NEURL4: variants seen among roughly 807,000 people sequenced by gnomAD.
The protein encoded by NEURL4 is neuralized-like protein 4.
In NEURL4, 45 loss-of-function variants were observed where a neutral mutation model predicts 148.0. That is an observed-to-expected ratio of 0.30 (90% CI 0.24 to 0.39). NEURL4 has a LOEUF of 0.39. NEURL4 is among the 10% of genes least tolerant of loss of function. The pLI, the probability that NEURL4 is intolerant of heterozygous loss-of-function variation, is 1.00. For missense variants in NEURL4, 1,776 were observed against 2,144.0 expected, an observed-to-expected ratio of 0.83 and a Z score of 3.39; for synonymous variants, 854 against 869.0, an observed-to-expected ratio of 0.98 and a Z score of 0.30.
chr17:7,325,793 G>A, intron 6 of NEURL4, 80 bp from the exon 7 acceptor site: 1 of 1,199,872 alleles, frequency 8.3e-7, no homozygotes, highest in Non-Finnish European at 1.2e-6. Context: ...AACTCCAGAA[G>A]GTATTCGTGA....
chr17:7,318,818 C>G lies in NEURL4; in HGVS notation c.3685-144G>C, dbSNP rs983336489. The G allele has an allele frequency of 1.0e-6, 1 of 1,003,180 alleles. No individual in the cohort carries two copies. The highest frequency in any genetic ancestry group is 1.4e-6 in the Non-Finnish European group (1 of 694,484). 62.1% of individuals were successfully genotyped at this position (1,003,180 alleles called of 1,614,324 possible). ...GAGGTTCTCCTCCCACTGCAGTTAC[C>G]TAGAGCCCCTCCCCTTCCCCAAAAC... On this transcript the variant is annotated intron_variant, in intron 22 of 28. Coordinates refer to ENST00000399464, the MANE Select transcript of NEURL4 (RefSeq NM_032442.3). The surrounding 1 kb of genome is among the most constrained non-coding windows in gnomAD (Gnocchi z 4.3).
At position 7,324,282 on chromosome 17, in the gene NEURL4, G is replaced by A. The variant is rs372412907; in HGVS notation, c.1900-12C>T. Reference sequence around the variant, plus strand: ...ACCGTGTCCCCTGCCTTGGAAGAAGGGGGTGCTGGAGTGAGGAGTCAGGCA... The same window carrying A: ...ACCGTGTCCCCTGCCTTGGAAGAAGAGGGTGCTGGAGTGAGGAGTCAGGCA... On this transcript the variant is annotated splice_polypyrimidine_tract_variant and intron_variant, in intron 10 of 28. Coordinates refer to ENST00000399464, the MANE Select transcript of NEURL4 (RefSeq NM_032442.3). This position sits in a 1 kb window ranked among gnomAD's most constrained non-coding sequence, Gnocchi z 5.9. 3 of 1,613,848 alleles carry A rather than the reference G, an allele frequency of 1.9e-6. No individual in the cohort carries two copies. The highest frequency in any genetic ancestry group is 1.1e-5 in the South Asian group (1 of 91,080).
rs748682690 is a variant in NEURL4, at chr17:7,322,913, G to A, written c.2593+35C>T. 3 of 1,611,394 alleles carry A rather than the reference G, an allele frequency of 1.9e-6. No homozygotes were observed. Among genetic ancestry groups the A allele is most frequent in the Middle Eastern group, 1.7e-4 (1 of 6,050 alleles). Reference sequence around the variant, plus strand: ...AGAAGCCTGACAGCCAGGTGGTCTGGGCTGAGGGTGGCAGGCTGAAAGCCA... The same window carrying A: ...AGAAGCCTGACAGCCAGGTGGTCTGAGCTGAGGGTGGCAGGCTGAAAGCCA... On this transcript the variant is annotated intron_variant, in intron 15 of 28. Coordinates refer to ENST00000399464, the MANE Select transcript of NEURL4 (RefSeq NM_032442.3). The surrounding 1 kb of genome is among the most constrained non-coding windows in gnomAD (Gnocchi z 5.5).
Position 7,329,160 on chromosome 17 carries a change from C to T in NEURL4, c.153G>A (p.Leu51=), listed in dbSNP as rs1392483372. 4.4e-6 allele frequency: 7 copies of T among 1,605,362 alleles called. No homozygotes were observed. Among genetic ancestry groups the T allele is most frequent in the Non-Finnish European group, 5.9e-6 (7 of 1,177,936 alleles). The change falls in exon 1 of 29, where the codon TTG becomes TTA. Residue 51 remains leucine, a synonymous_variant. Transcript: ENST00000399464. ...GGELHPRTGR[L]VSLSACGRTA... ...TACGCCCACAGGCCGACAGGCTCAC[C>T]AAGCGCCCAGTGCGCGGGTGCAGTT... is the stretch of plus-strand genomic sequence containing the variant.
Position 7,316,118 on chromosome 17 carries a change from A to T in NEURL4, c.*5T>A. ...ACTGTGCTTGTAGTAGTGGTGTCTC[A>T]CCCCTCATTCCACCCGTACCAGCAG... On this transcript the variant is annotated 3_prime_UTR_variant, in exon 29 of 29. Transcript: ENST00000399464. 7.0e-7 allele frequency: 1 copy of T among 1,423,826 alleles called. No homozygotes were observed. Among genetic ancestry groups the T allele is most frequent in the Non-Finnish European group, 9.9e-7 (1 of 1,006,568 alleles). The allele number at this position is 1,423,826 out of a possible 1,614,324, so 88.2% of individuals were successfully genotyped here. A position where few individuals can be genotyped will look rare whatever the true frequency, so the allele number is the denominator to read the frequency against.
At position 7,320,931 on chromosome 17, in the gene NEURL4, G is replaced by A. The variant is rs1204499798; in HGVS notation, c.3361-8C>T. On this transcript the variant is annotated splice_region_variant and splice_polypyrimidine_tract_variant and intron_variant, in intron 20 of 28. Transcript: ENST00000399464. Reference sequence around the variant, plus strand: ...ACCCACTTCATTCTGGCCCTGGTGTGGAGGAAGGGACTGAGCTGCATGGGT... The same window carrying A: ...ACCCACTTCATTCTGGCCCTGGTGTAGAGGAAGGGACTGAGCTGCATGGGT... 6.2e-7 allele frequency: 1 copy of A among 1,613,814 alleles called. No individual in the cohort carries two copies. The highest frequency in any genetic ancestry group is 8.5e-7 in the Non-Finnish European group (1 of 1,179,900).
At chr17:7,325,520 G>A in intron 7 of NEURL4, 47 bp from the exon 8 acceptor site, 2 of 1,601,726 alleles carry the variant, frequency 1.2e-6, no homozygotes, top group Non-Finnish European at 1.7e-6. Flanking sequence ...GGGAGAATGA[G>A]GGGAGAAAGT....
intron 21 of NEURL4, among the ~76,000 whole-genome samples, chr17:7,319,942 G>C (rs1055477910): frequency 6.6e-6 from 1 of 151,208 alleles, no homozygotes; most frequent in Non-Finnish European, 1.5e-5. Context: ...CCATTCTCCT[G>C]CCTCAGCCTC....
rs1017289635 is a variant in NEURL4 at position 7,324,651 on chromosome 17, C to G, written c.1813+148G>C. 9.5e-7 allele frequency: 1 copy of G among 1,054,810 alleles called. No homozygotes were observed. Among genetic ancestry groups the G allele is most frequent in the African/African-American group, 1.6e-5 (1 of 62,994 alleles). 65.3% of individuals were successfully genotyped at this position (1,054,810 alleles called of 1,614,324 possible). A position where few individuals can be genotyped will look rare whatever the true frequency, so the allele number is the denominator to read the frequency against. On this transcript the variant is annotated intron_variant, in intron 9 of 28. Coordinates refer to ENST00000399464, the MANE Select transcript of NEURL4 (RefSeq NM_032442.3). This position sits in a 1 kb window ranked among gnomAD's most constrained non-coding sequence, Gnocchi z 5.9. ...AACTCTGCAGCTTCCAAGACAGCCA[C>G]AGCCCTGCCCACGGGACACTCTCTA...
At chr17:7,317,634 TTCACGAGGC>T in intron 26 of NEURL4, 61 bp from the exon 27 acceptor site, 1 of 1,566,618 alleles carries the variant, frequency 6.4e-7, no homozygotes, top group Non-Finnish European at 8.8e-7. Flanking sequence ...GTGGAGGAGC[TTCACGAGGC>T]TCTTCCTTAG....
Position 7,327,976 on chromosome 17 carries a change from C to T in NEURL4, c.283-92G>A. ...TCCCACCTCTCAGACAGCTAGCTGG[C>T]TTTCTGTCTCTTGGAACACTAATCC... On this transcript the variant is annotated intron_variant, in intron 1 of 28. Coordinates refer to ENST00000399464, the MANE Select transcript of NEURL4 (RefSeq NM_032442.3). This position sits in a 1 kb window ranked among gnomAD's most constrained non-coding sequence, Gnocchi z 6.6. 1.0e-6 allele frequency: 1 copy of T among 1,001,376 alleles called. No individual in the cohort carries two copies. Among genetic ancestry groups the T allele is most frequent in the Non-Finnish European group, 1.4e-6 (1 of 696,362 alleles). The allele number at this position is 1,001,376 out of a possible 1,614,324, so 62.0% of individuals were successfully genotyped here.
At position 7,326,408 on chromosome 17, in the gene NEURL4, G is replaced by A. The variant is rs2073103804; in HGVS notation, c.1204+29C>T. On this transcript the variant is annotated intron_variant, in intron 5 of 28. Coordinates refer to ENST00000399464, the MANE Select transcript of NEURL4 (RefSeq NM_032442.3). The surrounding 1 kb of genome is among the most constrained non-coding windows in gnomAD (Gnocchi z 6.0). The stretch of plus-strand genomic sequence containing the variant: ...CCTTCCCCTCAGCAACACCAGGCCT[G>A]CACCCCCGCCCCTGCCCGGGGCTGG... 2 of 1,613,134 alleles carry A rather than the reference G, an allele frequency of 1.2e-6. No homozygotes were observed. The highest frequency in any genetic ancestry group is 1.7e-6 in the Non-Finnish European group (2 of 1,179,230).
At position 7,327,870 on chromosome 17, in the gene NEURL4, G is replaced by A. The variant is rs576986570; in HGVS notation, c.297C>T (p.Ser99=). 4.8e-5 allele frequency: 77 copies of A among 1,608,880 alleles called. No homozygotes were observed. The highest frequency in any genetic ancestry group is 6.8e-5 in the Admixed American group (4 of 59,174). ...CTGTCACCCCAATCTCAATGGAGCC[G>A]CTCCAGGAGTTGACCTGGGATAGGG... ...VRIDRKVNSW[S]GSIEIGVTAL... The change falls in exon 2 of 29, where the codon AGC becomes AGT. Residue 99 remains serine (S), a synonymous_variant. Transcript: ENST00000399464. This position sits in a 1 kb window ranked among gnomAD's most constrained non-coding sequence, Gnocchi z 6.6.
At position 7,325,477 on chromosome 17, in the gene NEURL4, T is replaced by C. The variant is rs886311762; in HGVS notation, c.1367-4A>G. 6.2e-6 allele frequency: 10 copies of C among 1,609,808 alleles called. No homozygotes were observed. Among genetic ancestry groups the C allele is most frequent in the African/African-American group, 1.3e-5 (1 of 74,748 alleles). On this transcript the variant is annotated splice_region_variant and splice_polypyrimidine_tract_variant and intron_variant, in intron 7 of 28. Transcript: ENST00000399464. ...GGCGTCAAGGGGGTTGCCACTCCTG[T>C]GGCAGGAAGGTACGGGGGTGTGGGA...
In NEURL4 at chr17:7,325,640, C is replaced by A; in HGVS notation, c.1366+1G>T. ...AGAGGCTCTCTCTGGGCGGCCCTTA[C>A]CCTGATCGATACCATTAATGAAGAA... On this transcript the variant is annotated splice_donor_variant, in intron 7 of 28. Transcript: ENST00000399464. LOFTEE classifies it high-confidence loss of function. 1 of 1,613,648 alleles carries A rather than the reference C, an allele frequency of 6.2e-7. No homozygotes were observed. The highest frequency in any genetic ancestry group is 8.5e-7 in the Non-Finnish European group (1 of 1,179,864).
chr17:7,320,998 G>T, intron 20 of NEURL4, 75 bp from the exon 21 acceptor site: 1 of 1,596,058 alleles, frequency 6.3e-7, no homozygotes, highest in Non-Finnish European at 8.6e-7. Context: ...AGTTTGCACA[G>T]ATCCTGAGTG....
In NEURL4 at chr17:7,318,412, C is replaced by G; in HGVS notation, c.3865-56G>C. The G allele has an allele frequency of 1.2e-6, 2 of 1,611,164 alleles. No individual in the cohort carries two copies. The highest frequency in any genetic ancestry group is 1.7e-6 in the Non-Finnish European group (2 of 1,177,704). The stretch of plus-strand genomic sequence containing the variant: ...TGGTCAGACCCCAGGGCCTGCTGAT[C>G]CCTCCCTGGAACAGAGATTTCCCCT... On this transcript the variant is annotated intron_variant, in intron 23 of 28. Transcript: ENST00000399464. The surrounding 1 kb of genome is among the most constrained non-coding windows in gnomAD (Gnocchi z 4.3).
At position 7,326,647 on chromosome 17, in the gene NEURL4, G is replaced by A. The variant is rs2073106376; in HGVS notation, c.1092+64C>T. On this transcript the variant is annotated intron_variant, in intron 4 of 28. Transcript: ENST00000399464. The surrounding 1 kb of genome is among the most constrained non-coding windows in gnomAD (Gnocchi z 6.0). ...CCAGGGCCCACCCTCCTAGCACCAA[G>A]GGTCAATCCCCATCTTTAGCTCCCA... is the stretch of plus-strand genomic sequence containing the variant. 6.2e-6 allele frequency: 10 copies of A among 1,603,754 alleles called. No homozygotes were observed. The South Asian group carries it at 6.6e-5, about 11-fold the overall frequency.
At position 7,315,934 on chromosome 17, in the gene NEURL4, T is replaced by C. The variant is rs2072936296; in HGVS notation, c.*189A>G. 2 of 601,438 alleles carry C rather than the reference T, an allele frequency of 3.3e-6. No homozygotes were observed. Among genetic ancestry groups the C allele is most frequent in the Non-Finnish European group, 6.0e-6 (2 of 336,096 alleles). The allele number at this position is 601,438 out of a possible 1,614,324, so 37.3% of individuals were successfully genotyped here. A position where few individuals can be genotyped will look rare whatever the true frequency, so the allele number is the denominator to read the frequency against. On this transcript the variant is annotated 3_prime_UTR_variant, in exon 29 of 29. Coordinates refer to ENST00000399464, the MANE Select transcript of NEURL4 (RefSeq NM_032442.3). Reference sequence around the variant, plus strand: ...CGACTCCTCCCATCAGACGGAGTGCTGGGCCTCCGGACATGGAGCTGTGCC... The same window carrying C: ...CGACTCCTCCCATCAGACGGAGTGCCGGGCCTCCGGACATGGAGCTGTGCC...
Sources: allele counts gnomAD v4.1 joint callset (sites outside exome capture counted in the v4.1 genomes callset), GRCh38; gene constraint gnomAD v4.1.1; non-coding constraint Gnocchi (gnomAD v3.1); transcripts MANE v1.5; gene names NCBI Gene and HGNC (gene_info 2026-07-23, HGNC 2026-07-21).